NHERF4: variants seen among roughly 807,000 people sequenced by gnomAD.
NHERF4 encodes the protein Na(+)/H(+) exchange regulatory cofactor NHE-RF4.
chr11:119,189,685 G>T, the NHERF4 span: 1 of 642,442 alleles, frequency 1.6e-6, no homozygotes, highest in Non-Finnish European at 2.8e-6. This position sits in a 1 kb window ranked among gnomAD's most constrained non-coding sequence, Gnocchi z 5.8. Context: ...GGAGGCCTCA[G>T]ACAGGTCCCT....
the NHERF4 span, chr11:119,187,958 C>G: frequency 1.2e-5 from 19 of 1,571,056 alleles, no homozygotes; most frequent in Non-Finnish European, 1.4e-5. Context: ...GAGTGGACAG[C>G]AGGTGACCTT....
the NHERF4 span, chr11:119,187,769 CT>C: frequency 6.8e-7 from 1 of 1,463,864 alleles, no homozygotes. Flanking sequence ...AAGACGCCTC[CT>C]TCCCCATGCG....
chr11:119,188,066 C>G, the NHERF4 span: 1 of 1,552,146 alleles, frequency 6.4e-7, no homozygotes, highest in East Asian at 2.4e-5. Context: ...CACCAAGCCC[C>G]GCTGCCTGCA....
At chr11:119,188,828 C>T in the NHERF4 span, 23 of 1,614,080 alleles carry the variant, frequency 1.4e-5, no homozygotes, top group Non-Finnish European at 1.9e-5. Flanking sequence ...GCTTCCGACT[C>T]AGTTGTGTGG....
chr11:119,186,680 A>G, the NHERF4 span: 1 of 1,604,664 alleles, frequency 6.2e-7, no homozygotes, highest in Non-Finnish European at 8.5e-7. This position sits in a 1 kb window ranked among gnomAD's most constrained non-coding sequence, Gnocchi z 4.4. Flanking sequence ...GAACACGAAG[A>G]CTATGCGGTG....
the NHERF4 span, chr11:119,185,902 T>C: frequency 1.5e-5 from 25 of 1,614,130 alleles, no homozygotes; most frequent in African/African-American, 2.7e-5. Context: ...TCTCCTCCTC[T>C]CACCCACTTC....
At chr11:119,185,931 A>G in the NHERF4 span, 4 of 1,614,024 alleles carry the variant, frequency 2.5e-6, no homozygotes, top group Admixed American at 3.3e-5. Flanking sequence ...GTAGATCTGC[A>G]GGACACAGCC....
the NHERF4 span, chr11:119,189,261 G>C: frequency 6.4e-7 from 1 of 1,554,972 alleles, no homozygotes; most frequent in East Asian, 2.3e-5. The surrounding 1 kb of genome is among the most constrained non-coding windows in gnomAD (Gnocchi z 5.8). Flanking sequence ...AGGGAGGAGT[G>C]AGAAAGAAGG....
At chr11:119,188,118 A>G in the NHERF4 span, 2 of 1,548,286 alleles carry the variant, frequency 1.3e-6, no homozygotes, top group Non-Finnish European at 1.7e-6. Context: ...CTGCTCCGGG[A>G]GGAAAAGGGC....
chr11:119,187,420 G>A, the NHERF4 span: 2 of 1,614,020 alleles, frequency 1.2e-6, no homozygotes, highest in Non-Finnish European at 1.7e-6. Flanking sequence ...GTGCCACATA[G>A]TGAAAGATGA....
the NHERF4 span, chr11:119,185,632 A>C: frequency 1.0e-6 from 1 of 957,860 alleles, no homozygotes; most frequent in East Asian, 2.4e-5. Context: ...GAGGCAGGTA[A>C]ACAAGTCAGG....
chr11:119,187,269 G>T, the NHERF4 span: 1 of 1,593,510 alleles, frequency 6.3e-7, no homozygotes, highest in Non-Finnish European at 8.5e-7. Context: ...CCTCTGTCCA[G>T]GTGGTACGCC....
At chr11:119,186,529 G>T in the NHERF4 span, 1 of 1,614,200 alleles carries the variant, frequency 6.2e-7, no homozygotes, top group African/African-American at 1.3e-5. This position sits in a 1 kb window ranked among gnomAD's most constrained non-coding sequence, Gnocchi z 4.4. Context: ...CAAAGAGGAG[G>T]GCAAGAGTTT....
the NHERF4 span, chr11:119,185,963 C>A: frequency 7.2e-5 from 117 of 1,614,082 alleles, 1 homozygote; most frequent in African/African-American, 1.3e-3. Flanking sequence ...GTAAGTGCCA[C>A]GAGGGTTGGG....
the NHERF4 span, chr11:119,188,654 A>G: frequency 6.2e-7 from 1 of 1,613,892 alleles, no homozygotes; most frequent in Admixed American, 1.7e-5. Flanking sequence ...GCCTGTCCCC[A>G]CTCCTCTTCT....
At chr11:119,189,040 G>T in the NHERF4 span, 7 of 1,614,142 alleles carry the variant, frequency 4.3e-6, no homozygotes, top group Non-Finnish European at 5.1e-6. This position sits in a 1 kb window ranked among gnomAD's most constrained non-coding sequence, Gnocchi z 5.8. Flanking sequence ...GGGCTGGGCT[G>T]CAAGTGGGAG....
At chr11:119,189,186 T>A in the NHERF4 span, 123 of 1,610,752 alleles carry the variant, frequency 7.6e-5, 1 homozygote, top group Non-Finnish European at 2.5e-6. This position sits in a 1 kb window ranked among gnomAD's most constrained non-coding sequence, Gnocchi z 5.8. Flanking sequence ...GAAGCCTGGA[T>A]TCCCCCTGGG....
the NHERF4 span, chr11:119,186,146 C>G: frequency 6.4e-5 from 103 of 1,613,972 alleles, no homozygotes; most frequent in Non-Finnish European, 8.5e-5. This position sits in a 1 kb window ranked among gnomAD's most constrained non-coding sequence, Gnocchi z 4.4. Context: ...TCTCCCTGGC[C>G]GAAGACCACG....
chr11:119,187,026 C>G, the NHERF4 span, among the ~76,000 whole-genome samples: 1 of 151,728 alleles, frequency 6.6e-6, no homozygotes, highest in Non-Finnish European at 1.5e-5. Flanking sequence ...GTAATCCCAG[C>G]TACTCGGGAG....
Sources: allele counts gnomAD v4.1 joint callset (sites outside exome capture counted in the v4.1 genomes callset), GRCh38; gene constraint gnomAD v4.1.1; non-coding constraint Gnocchi (gnomAD v3.1); transcripts MANE v1.5; gene names NCBI Gene and HGNC (gene_info 2026-07-23, HGNC 2026-07-21).